Variants in ABCG4 observed in about 807,000 individuals in gnomAD.
ABCG4 encodes the protein ATP binding cassette subfamily G member 4, also known as ATP-binding cassette sub-family G member 4.
ABCG4 carries 35 observed loss-of-function variants against 64.6 expected under a neutral mutation model. The observed-to-expected ratio is 0.54, with a 90% CI of 0.41 to 0.72. The LOEUF (loss-of-function observed/expected upper bound fraction) is 0.72. ABCG4 is among the 30% of genes least tolerant of loss of function. The pLI is 0.00. For synonymous variants in ABCG4, 326 were observed against 348.2 expected, an observed-to-expected ratio of 0.94 and a Z score of 0.71; for missense variants, 610 against 846.3, an observed-to-expected ratio of 0.72 and a Z score of 3.46.
Position 119,160,643 on chromosome 11 carries a change from C to G in ABCG4, c.1702C>G (p.Leu568Val). Residue 568 changes from leucine (L) to valine (V), a missense_variant, in exon 14 of 15, where the codon CTC becomes GTC. Coordinates refer to ENST00000619701, the MANE Select transcript of ABCG4 (RefSeq NM_022169.5). The surrounding 1 kb of genome is among the most constrained non-coding windows in gnomAD (Gnocchi z 4.6). ...IPTYLQWSSYLSYVRYGFEGV... is the reference protein window; with the variant it reads ...IPTYLQWSSYVSYVRYGFEGV... ...CACTTACCTGCAATGGAGCTCCTAT[C>G]TCTCCTATGTCAGGTCAGTACCCCT... The G allele has an allele frequency of 1.2e-6, 2 of 1,613,528 alleles. No homozygotes were observed. The highest frequency in any genetic ancestry group is 1.7e-6 in the Non-Finnish European group (2 of 1,179,648).
At position 119,154,190 on chromosome 11, in the gene ABCG4, T is replaced by C; in HGVS notation, c.356+47T>C. The stretch of plus-strand genomic sequence containing the variant: ...AATGGAGGCAGGACTCAGGAAGAAG[T>C]ATCCCTTGGGGAACACAGAAGGTAT... On this transcript the variant is annotated intron_variant, in intron 3 of 14. Transcript: ENST00000619701. This position sits in a 1 kb window ranked among gnomAD's most constrained non-coding sequence, Gnocchi z 7.0. 6 of 1,613,322 alleles carry C rather than the reference T, an allele frequency of 3.7e-6. No individual in the cohort carries two copies. The African/African-American group carries it at 5.3e-5, about 14-fold the overall frequency.
Position 119,160,238 on chromosome 11 carries a change from G to C in ABCG4, c.1449G>C (p.Pro483=). ...MADVPFQVVC[P]VVYCSIVYWM... ...TGCCCACTCCCCAGGTGGTGTGTCC[G>C]GTGGTCTACTGCAGCATTGTGTACT... Residue 483 remains proline (P), a synonymous_variant, in exon 13 of 15, where the codon CCG becomes CCC. Coordinates refer to ENST00000619701, the MANE Select transcript of ABCG4 (RefSeq NM_022169.5). The surrounding 1 kb of genome is among the most constrained non-coding windows in gnomAD (Gnocchi z 4.6). 1.2e-6 allele frequency: 2 copies of C among 1,610,158 alleles called. No individual in the cohort carries two copies. Among genetic ancestry groups the C allele is most frequent in the Non-Finnish European group, 1.7e-6 (2 of 1,177,164 alleles).
Position 119,156,933 on chromosome 11 carries a change from G to A in ABCG4, c.987G>A (p.Gln329=). 6.2e-7 allele frequency: 1 copy of A among 1,614,062 alleles called. No homozygotes were observed. The highest frequency in any genetic ancestry group is 8.5e-7 in the Non-Finnish European group (1 of 1,179,984). Reference sequence around the variant, plus strand: ...ACCCCATGTTGTTCAGGGCTGTGCAGAATGGGCTGTGCGCTATGGCTGAGA... The same window carrying A: ...ACCCCATGTTGTTCAGGGCTGTGCAAAATGGGCTGTGCGCTATGGCTGAGA... ...DLNPMLFRAV[Q]NGLCAMAEKK... Residue 329 remains glutamine (Q), a synonymous_variant, in exon 9 of 15, where the codon CAG becomes CAA. Coordinates refer to ENST00000619701, the MANE Select transcript of ABCG4 (RefSeq NM_022169.5). The surrounding 1 kb of genome is among the most constrained non-coding windows in gnomAD (Gnocchi z 5.5).
Position 119,158,693 on chromosome 11 carries a change from T to C in ABCG4, c.1304T>C (p.Met435Thr). 2 of 1,614,110 alleles carry C rather than the reference T, an allele frequency of 1.2e-6. No individual in the cohort carries two copies. The highest frequency in any genetic ancestry group is 1.7e-6 in the Non-Finnish European group (2 of 1,180,008). ...GCLFFSMLFL[M>T]FAALMPTVLT... ...CTCTTCTTCTCCATGCTGTTCCTCA[T>C]GTTCGCCGCCCTCATGCCAACTGTG... Residue 435 changes from methionine to threonine, a missense_variant, in exon 11 of 15, where the codon ATG (methionine) becomes ACG (threonine). Coordinates refer to ENST00000619701, the MANE Select transcript of ABCG4 (RefSeq NM_022169.5). This position sits in a 1 kb window ranked among gnomAD's most constrained non-coding sequence, Gnocchi z 4.5.
In ABCG4 at chr11:119,149,803, TG is replaced by T. The variant is rs1948166822; in HGVS notation, c.-12-145del. 2.5e-6 allele frequency: 3 copies of T among 1,209,332 alleles called. No homozygotes were observed. Among genetic ancestry groups the T allele is most frequent in the Non-Finnish European group, 3.3e-6 (3 of 904,264 alleles). The allele number at this position is 1,209,332 out of a possible 1,614,324, so 74.9% of individuals were successfully genotyped here. ...GGACTGAGCGTCTCCGTGCGGAGAG[TG>T]GGGGGCGGGGGCAGAGTGCGGGGCT... On this transcript the variant is annotated intron_variant, in intron 1 of 14. Coordinates refer to ENST00000619701, the MANE Select transcript of ABCG4 (RefSeq NM_022169.5). This position sits in a 1 kb window ranked among gnomAD's most constrained non-coding sequence, Gnocchi z 8.3.
At position 119,154,637 on chromosome 11, in the gene ABCG4, C is replaced by T. The variant is rs1192555625; in HGVS notation, c.540+62C>T. On this transcript the variant is annotated intron_variant, in intron 5 of 14. Coordinates refer to ENST00000619701, the MANE Select transcript of ABCG4 (RefSeq NM_022169.5). The surrounding 1 kb of genome is among the most constrained non-coding windows in gnomAD (Gnocchi z 7.0). ...TTGTGGTGCTGCTGAGCTCAAGGCC[C>T]CGAGCTGGGAGTGGGAGAGTGGTGG... is the stretch of plus-strand genomic sequence containing the variant. 1.7e-5 allele frequency: 27 copies of T among 1,602,494 alleles called. No individual in the cohort carries two copies. Among genetic ancestry groups the T allele is most frequent in the Non-Finnish European group, 2.0e-5 (23 of 1,174,764 alleles).
Position 119,150,168 on chromosome 11 carries a change from A to AT in ABCG4, c.205dup (p.Ser69PhefsTer14). On this transcript the variant is annotated frameshift_variant, in exon 2 of 15. Coordinates refer to ENST00000619701, the MANE Select transcript of ABCG4 (RefSeq NM_022169.5). LOFTEE classifies it high-confidence loss of function. This position sits in a 1 kb window ranked among gnomAD's most constrained non-coding sequence, Gnocchi z 4.3. ...GACATCGAGTTCGTGGAGCTGTCCT[A>AT]TTCCGTGCGGGAGGGGCCCTGCTGG... The AT allele has an allele frequency of 6.2e-7, 1 of 1,614,032 alleles. No homozygotes were observed. The highest frequency in any genetic ancestry group is 8.5e-7 in the Non-Finnish European group (1 of 1,179,970).
chr11:119,149,805 G>A lies in ABCG4; in HGVS notation c.-12-149G>A. 7.9e-7 allele frequency: 1 copy of A among 1,259,920 alleles called. No homozygotes were observed. Among genetic ancestry groups the A allele is most frequent in the Non-Finnish European group, 1.1e-6 (1 of 937,100 alleles). 78.0% of individuals were successfully genotyped at this position (1,259,920 alleles called of 1,614,324 possible). On this transcript the variant is annotated intron_variant, in intron 1 of 14. Coordinates refer to ENST00000619701, the MANE Select transcript of ABCG4 (RefSeq NM_022169.5). The surrounding 1 kb of genome is among the most constrained non-coding windows in gnomAD (Gnocchi z 8.3). ...ACTGAGCGTCTCCGTGCGGAGAGTG[G>A]GGGGCGGGGGCAGAGTGCGGGGCTA...
chr11:119,157,809 T>A (rs969342567), intron 9 of ABCG4, among the ~76,000 whole-genome samples: 4 of 152,048 alleles, frequency 2.6e-5, no homozygotes, highest in African/African-American at 7.2e-5. Context: ...GAGCTTGCAG[T>A]GAGCTGAGAT....
chr11:119,149,779 G>C lies in ABCG4; in HGVS notation c.-12-175G>C, dbSNP rs566175754. The C allele has an allele frequency of 5.0e-5, 53 of 1,062,730 alleles. No homozygotes were observed. Among genetic ancestry groups the C allele is most frequent in the African/African-American group, 4.1e-4 (26 of 62,702 alleles). The allele number at this position is 1,062,730 out of a possible 1,614,324, so 65.8% of individuals were successfully genotyped here. ...GTCAGGCTGGAGCTGGGCTGCCCGGGACTGAGCGTCTCCGTGCGGAGAGTG... is the reference window on the plus strand; with the variant it reads ...GTCAGGCTGGAGCTGGGCTGCCCGGCACTGAGCGTCTCCGTGCGGAGAGTG... On this transcript the variant is annotated intron_variant, in intron 1 of 14. Coordinates refer to ENST00000619701, the MANE Select transcript of ABCG4 (RefSeq NM_022169.5). This position sits in a 1 kb window ranked among gnomAD's most constrained non-coding sequence, Gnocchi z 8.3.
At chr11:119,159,644 C>T (rs1010347971) in intron 12 of ABCG4, among the ~76,000 whole-genome samples, 2 of 152,156 alleles carry the variant, frequency 1.3e-5, no homozygotes, top group Non-Finnish European at 2.9e-5. Flanking sequence ...TTGTTGTTAC[C>T]GCCAATACCA....
chr11:119,156,384 CA>C lies in ABCG4; in HGVS notation c.743del (p.Gln248ArgfsTer27). On this transcript the variant is annotated frameshift_variant, in exon 7 of 15. Coordinates refer to ENST00000619701, the MANE Select transcript of ABCG4 (RefSeq NM_022169.5). LOFTEE classifies it high-confidence loss of function. This position sits in a 1 kb window ranked among gnomAD's most constrained non-coding sequence, Gnocchi z 5.5. ...GGTGTCCCTCATGAAGTCCCTGGCA[CA>C]GGGGGGCCGTACCATCATCTGCACC... Reference protein sequence around the residue: ...QVVSLMKSLAQGGRTIICTIH... With the variant: ...QVVSLMKSLAXGGRTIICTIH... 6.2e-7 allele frequency: 1 copy of C among 1,614,214 alleles called. No homozygotes were observed. Among genetic ancestry groups the C allele is most frequent in the Non-Finnish European group, 8.5e-7 (1 of 1,180,044 alleles).
intron 2 of ABCG4, chr11:119,153,293 C>T (rs1948215462): frequency 1.3e-5 from 2 of 153,526 alleles, no homozygotes; most frequent in African/African-American, 4.8e-5. Context: ...CCAGATCCAC[C>T]TGACTCCAAA....
chr11:119,156,307 C>G lies in ABCG4; in HGVS notation c.687-22C>G. ...GGCCTCACCCACCTCACGTGGCCCC[C>G]TGGTGGCCTCTCTCTGGACAGTGGT... On this transcript the variant is annotated intron_variant, in intron 6 of 14. Transcript: ENST00000619701. This position sits in a 1 kb window ranked among gnomAD's most constrained non-coding sequence, Gnocchi z 5.5. 1 of 1,614,102 alleles carries G rather than the reference C, an allele frequency of 6.2e-7. No homozygotes were observed. Among genetic ancestry groups the G allele is most frequent in the Admixed American group, 1.7e-5 (1 of 60,016 alleles).
intron 12 of ABCG4, among the ~76,000 whole-genome samples, chr11:119,159,592 T>C (rs541155558): frequency 5.9e-5 from 9 of 152,328 alleles, no homozygotes; most frequent in Admixed American, 3.3e-4. Context: ...GTACTTAGAA[T>C]AGTGCTTGGC....
Position 119,154,065 on chromosome 11 carries a change from GC to G in ABCG4, c.280del (p.Arg94AlafsTer4), listed in dbSNP as rs760946672. On this transcript the variant is annotated frameshift_variant, in exon 3 of 15. Transcript: ENST00000619701. LOFTEE classifies it high-confidence loss of function. This position sits in a 1 kb window ranked among gnomAD's most constrained non-coding sequence, Gnocchi z 7.0. ...TLLKCLSGKF[C>X]RRELIGIMGP... ...CTCAAGTGCCTCTCAGGTAAATTCTGCCGCCGGGAGCTGATTGGCATCATGG... is the reference window on the plus strand; with the variant it reads ...CTCAAGTGCCTCTCAGGTAAATTCTGCGCCGGGAGCTGATTGGCATCATGG... 6.2e-7 allele frequency: 1 copy of G among 1,614,200 alleles called. No homozygotes were observed. Among genetic ancestry groups the G allele is most frequent in the Admixed American group, 1.7e-5 (1 of 60,016 alleles).
Position 119,160,828 on chromosome 11 carries a change from A to C in ABCG4, c.1716-53A>C, listed in dbSNP as rs1485908999. On this transcript the variant is annotated intron_variant, in intron 14 of 14. Coordinates refer to ENST00000619701, the MANE Select transcript of ABCG4 (RefSeq NM_022169.5). The surrounding 1 kb of genome is among the most constrained non-coding windows in gnomAD (Gnocchi z 4.6). ...GCAGCTGGGCTCTGGCAGTTTTCTC[A>C]GAGAGCAGGGACCCTGTGTGCTGTA... The C allele has an allele frequency of 3.2e-6, 5 of 1,574,592 alleles. No homozygotes were observed. The East Asian group carries it at 9.0e-5, about 28-fold the overall frequency.
Position 119,160,130 on chromosome 11 carries a change from A to C in ABCG4, c.1438-97A>C. 10 of 1,340,488 alleles carry C rather than the reference A, an allele frequency of 7.5e-6. No individual in the cohort carries two copies. The highest frequency in any genetic ancestry group is 1.0e-5 in the Non-Finnish European group (10 of 974,428). 83.0% of individuals were successfully genotyped at this position (1,340,488 alleles called of 1,614,324 possible). A position where few individuals can be genotyped will look rare whatever the true frequency, so the allele number is the denominator to read the frequency against. On this transcript the variant is annotated intron_variant, in intron 12 of 14. Transcript: ENST00000619701. This position sits in a 1 kb window ranked among gnomAD's most constrained non-coding sequence, Gnocchi z 4.6. Reference sequence around the variant, plus strand: ...TGGAGGCAGGATGGACACCCTGGGAATAGGTATTCTAGAGGCCCAGCCTTG... The same window carrying C: ...TGGAGGCAGGATGGACACCCTGGGACTAGGTATTCTAGAGGCCCAGCCTTG...
At position 119,156,526 on chromosome 11, in the gene ABCG4, C is replaced by T. The variant is rs778011563; in HGVS notation, c.811-38C>T. The T allele has an allele frequency of 4.3e-6, 7 of 1,613,876 alleles. No homozygotes were observed. Among genetic ancestry groups the T allele is most frequent in the Admixed American group, 1.7e-5 (1 of 60,016 alleles). On this transcript the variant is annotated intron_variant, in intron 7 of 14. Transcript: ENST00000619701. The surrounding 1 kb of genome is among the most constrained non-coding windows in gnomAD (Gnocchi z 5.5). ...GAAGGGGGTCAGTAGGGGTGCCTGG[C>T]CCGCTGTTCCTTCCTTACCCTTCTC...
Sources: allele counts gnomAD v4.1 joint callset (sites outside exome capture counted in the v4.1 genomes callset), GRCh38; gene constraint gnomAD v4.1.1; non-coding constraint Gnocchi (gnomAD v3.1); transcripts MANE v1.5; gene names NCBI Gene and HGNC (gene_info 2026-07-23, HGNC 2026-07-21).